Variants in ST3GAL5 observed in about 807,000 individuals in gnomAD.
ST3GAL5 encodes the protein ST3 beta-galactoside alpha-2,3-sialyltransferase 5.
ST3GAL5 carries 25 observed loss-of-function variants against 46.1 expected under a neutral mutation model. The observed-to-expected ratio is 0.54, with a 90% CI of 0.40 to 0.76. The LOEUF (loss-of-function observed/expected upper bound fraction) is 0.76. Ranked by LOEUF, ST3GAL5 falls within the 30% of genes least tolerant of loss-of-function variation. The pLI is 0.00. For missense variants in ST3GAL5, 431 were observed against 521.2 expected (o/e 0.83, Z 1.69); for synonymous variants, 182 against 192.7 (o/e 0.94, Z 0.46).
chr2:85,846,436 CA>C lies in ST3GAL5; in HGVS notation c.789del (p.Val264PhefsTer15). On this transcript the variant is annotated frameshift_variant, in exon 5 of 7. Coordinates refer to ENST00000638572, the MANE Select transcript of ST3GAL5 (RefSeq NM_003896.4). LOFTEE classifies it high-confidence loss of function. ...LEYYSNDLFV[A>X]VLFKSVDFNW... is the part of the protein sequence containing the mutation. ...TTGAAATCAACACTCTTAAATAAAACAGCAACAAATAAGTCATTGGAATAAT... is the reference window on the plus strand; with the variant it reads ...TTGAAATCAACACTCTTAAATAAAACGCAACAAATAAGTCATTGGAATAAT... 6.2e-7 allele frequency: 1 copy of C among 1,614,168 alleles called. No individual in the cohort carries two copies. The highest frequency in any genetic ancestry group is 8.5e-7 in the Non-Finnish European group (1 of 1,180,016).
At chr2:85,869,276 C>T (rs557876710) in intron 1 of ST3GAL5, among the ~76,000 whole-genome samples, 1 of 152,118 alleles carries the variant, frequency 6.6e-6, no homozygotes, top group African/African-American at 2.4e-5. Flanking sequence ...AAACTCCTGG[C>T]CTCAAGCGAT....
Position 85,837,737 on chromosome 2 carries a change from AAAACTG to A in ST3GAL5, c.*2401_*2406del, listed in dbSNP as rs753959853. Reference sequence around the variant, plus strand: ...TCAAAAATTAAAATTAAAAAACCCTAAAACTGAAATTTTCTGCAGCTCAAAGTTCTA... The same window carrying A: ...TCAAAAATTAAAATTAAAAAACCCTAAAATTTTCTGCAGCTCAAAGTTCTA... On this transcript the variant is annotated 3_prime_UTR_variant, in exon 7 of 7. Coordinates refer to ENST00000638572, the MANE Select transcript of ST3GAL5 (RefSeq NM_003896.4). 3.9e-5 allele frequency: 6 copies of A among 152,250 alleles called. No individual in the cohort carries two copies. Among genetic ancestry groups the A allele is most frequent in the Non-Finnish European group, 8.8e-5 (6 of 68,036 alleles). 9.4% of individuals were successfully genotyped at this position (152,250 alleles called of 1,614,324 possible). A position where few individuals can be genotyped will look rare whatever the true frequency, so the allele number is the denominator to read the frequency against.
chr2:85,847,746 G>T, intron 4 of ST3GAL5, 115 bp downstream of exon 4: 1 of 1,420,936 alleles, frequency 7.0e-7, no homozygotes, highest in Non-Finnish European at 9.4e-7. Flanking sequence ...AGTGAGCTGA[G>T]ATCACACCAC....
In ST3GAL5 at chr2:85,881,019, G is replaced by T. The variant is rs554164003; in HGVS notation, c.82+7805C>A. 6.4e-5 allele frequency: 32 copies of T among 499,496 alleles called. No individual in the cohort carries two copies. In the East Asian group the frequency reaches 1.8e-3, roughly 27 times the overall value. The allele number at this position is 499,496 out of a possible 1,614,324, so 30.9% of individuals were successfully genotyped here. A position where few individuals can be genotyped will look rare whatever the true frequency, so the allele number is the denominator to read the frequency against. On this transcript the variant is annotated intron_variant, in intron 1 of 6. Transcript: ENST00000638572. ...ATCTCCCAGAATTCCCACGTGTTGT[G>T]GGAGGGACCCAGGGGAGGTAATTGA...
intron 4 of ST3GAL5, 74 bp downstream of exon 4, chr2:85,847,787 C>A (rs1267225421): frequency 1.9e-6 from 3 of 1,541,222 alleles, no homozygotes; most frequent in African/African-American, 1.4e-5. Context: ...AGGAGTGAGA[C>A]CCTGCCTCAA....
chr2:85,881,391 A>T (rs1431494259), intron 1 of ST3GAL5, among the ~76,000 whole-genome samples: 2 of 152,210 alleles, frequency 1.3e-5, no homozygotes, highest in Non-Finnish European at 2.9e-5. Context: ...ACAGGCAGAG[A>T]TTGGAACAGT....
At chr2:85,841,421 C>A (rs1682084507) in intron 6 of ST3GAL5, among the ~76,000 whole-genome samples, 1 of 152,158 alleles carries the variant, frequency 6.6e-6, no homozygotes, top group South Asian at 2.1e-4. Flanking sequence ...CAGCCTTGAC[C>A]TTCACAGGCT....
intron 6 of ST3GAL5, among the ~76,000 whole-genome samples, chr2:85,841,071 C>CAAATGTCTAT (rs1395693965): frequency 6.8e-6 from 1 of 147,238 alleles, no homozygotes; most frequent in African/African-American, 2.5e-5. Context: ...CTCTCAATGA[C>CAAATGTCTAT]AAATGTCTAT....
chr2:85,866,687 C>T (rs1190089111), intron 1 of ST3GAL5, among the ~76,000 whole-genome samples: 4 of 152,248 alleles, frequency 2.6e-5, no homozygotes, highest in Non-Finnish European at 5.9e-5. Context: ...TCATTTTTCA[C>T]CACCACATCC....
chr2:85,887,123 C>G (rs987974161), intron 1 of ST3GAL5, among the ~76,000 whole-genome samples: 4 of 152,126 alleles, frequency 2.6e-5, no homozygotes, highest in Admixed American at 6.5e-5. Flanking sequence ...TCATTGCCTC[C>G]CGAGGCCAAC....
chr2:85,851,416 G>A, intron 3 of ST3GAL5: 1 of 1,199,380 alleles, frequency 8.3e-7, no homozygotes, highest in South Asian at 1.5e-5. Context: ...CTGATTGCCT[G>A]GAGACAGGGC....
intron 6 of ST3GAL5, among the ~76,000 whole-genome samples, chr2:85,841,034 A>T (rs572772220): frequency 1.1e-4 from 16 of 150,804 alleles, no homozygotes; most frequent in South Asian, 4.3e-4. Context: ...CATTAAAAAA[A>T]AAAATAAAAA....
chr2:85,870,877 A>G (rs1206491896), intron 1 of ST3GAL5, among the ~76,000 whole-genome samples: 3 of 151,882 alleles, frequency 2.0e-5, no homozygotes, highest in African/African-American at 7.3e-5. Flanking sequence ...GGGTTTCACC[A>G]TGGTCTCAAA....
chr2:85,840,965 AAG>A (rs1251570865), intron 6 of ST3GAL5, among the ~76,000 whole-genome samples: 32 of 148,610 alleles, frequency 2.2e-4, no homozygotes, highest in African/African-American at 7.8e-4. Context: ...AAAAAAAAAA[AAG>A]GCATTCCTTC....
intron 1 of ST3GAL5, among the ~76,000 whole-genome samples, chr2:85,881,223 G>A (rs559758360): frequency 1.3e-5 from 2 of 152,344 alleles, no homozygotes; most frequent in East Asian, 3.9e-4. Flanking sequence ...ATGTGGAACT[G>A]TAAATCCAAT....
intron 1 of ST3GAL5, chr2:85,888,106 C>T (rs1306616614): frequency 6.6e-6 from 1 of 152,136 alleles, no homozygotes; most frequent in Non-Finnish European, 1.5e-5. Flanking sequence ...GGGTAAGCTT[C>T]TCAGGAGAGA....
At chr2:85,862,651 G>A (rs1020381139) in intron 2 of ST3GAL5, among the ~76,000 whole-genome samples, 3 of 152,148 alleles carry the variant, frequency 2.0e-5, no homozygotes, top group South Asian at 2.1e-4. Flanking sequence ...TGTGGCTGGC[G>A]CCCAGCATGA....
intron 6 of ST3GAL5, among the ~76,000 whole-genome samples, chr2:85,842,327 G>A (rs1390955506): frequency 6.6e-6 from 1 of 152,160 alleles, no homozygotes; most frequent in East Asian, 1.9e-4. Context: ...TGTCACACAG[G>A]GAATATTCAA....
intron 1 of ST3GAL5, among the ~76,000 whole-genome samples, chr2:85,874,018 T>A (rs1470663132): frequency 6.6e-6 from 1 of 152,188 alleles, no homozygotes. Context: ...TTAGCCTACA[T>A]ATTTTCAGAT....
Sources: allele counts gnomAD v4.1 joint callset (sites outside exome capture counted in the v4.1 genomes callset), GRCh38; gene constraint gnomAD v4.1.1; transcripts MANE v1.5; gene names NCBI Gene and HGNC (gene_info 2026-07-23, HGNC 2026-07-21).